Variants in GOLIM4 observed in about 807,000 individuals in gnomAD.
GOLIM4 encodes the protein golgi integral membrane protein 4, also known as 130 kDa golgi-localized phosphoprotein.
Under a neutral mutation model 107.4 loss-of-function variants are expected in GOLIM4, and 71 were observed. The ratio of observed to expected loss-of-function variants is 0.66; its 90% confidence interval spans 0.55 to 0.81. GOLIM4 has a LOEUF of 0.81. Ranked by LOEUF, GOLIM4 falls within the 30% of genes least tolerant of loss-of-function variation. The pLI, the probability that GOLIM4 is intolerant of heterozygous loss-of-function variation, is 0.00. For synonymous variants in GOLIM4, 327 were observed against 294.8 expected (o/e 1.11, Z -1.12); for missense variants, 830 against 826.1 (o/e 1.00, Z -0.06).
intron 3 of GOLIM4, 72 bp from the exon 4 acceptor site, chr3:168,044,953 T>G: frequency 1.2e-6 from 1 of 804,428 alleles, no homozygotes; most frequent in Non-Finnish European, 2.0e-6. Flanking sequence ...CTTAAAGCAC[T>G]TTAAAATATA....
chr3:168,021,653 GA>G (rs1301132976), intron 14 of GOLIM4, among the ~76,000 whole-genome samples: 1 of 151,808 alleles, frequency 6.6e-6, no homozygotes, highest in Non-Finnish European at 1.5e-5. Context: ...GTGACAGTCA[GA>G]CTCTGTCTCA....
chr3:168,058,625 T>C (rs1720103293), intron 1 of GOLIM4, among the ~76,000 whole-genome samples: 1 of 152,086 alleles, frequency 6.6e-6, no homozygotes, highest in Non-Finnish European at 1.5e-5. Flanking sequence ...AGGTAAAACA[T>C]AAGACAATTA....
chr3:168,047,788 T>C (rs1719398072), intron 2 of GOLIM4, among the ~76,000 whole-genome samples: 1 of 152,174 alleles, frequency 6.6e-6, no homozygotes, highest in East Asian at 1.9e-4. Flanking sequence ...TCAAACTGAA[T>C]CAACTGATGT....
At chr3:168,018,517 G>A (rs1466881955) in intron 14 of GOLIM4, among the ~76,000 whole-genome samples, 3 of 152,108 alleles carry the variant, frequency 2.0e-5, no homozygotes, top group Non-Finnish European at 4.4e-5. Flanking sequence ...CAAAGGCATC[G>A]AATATCTATT....
chr3:168,040,875 CA>C lies in GOLIM4; in HGVS notation c.601-7del. 2 of 1,597,540 alleles carry C rather than the reference CA, an allele frequency of 1.3e-6. No individual in the cohort carries two copies. The highest frequency in any genetic ancestry group is 1.7e-6 in the Non-Finnish European group (2 of 1,165,668). ...AGTAAATTCTTATGCTGTTGCTACA[CA>C]AAAAAGAATTTTACATGTTGAGCTT... On this transcript the variant is annotated splice_region_variant and splice_polypyrimidine_tract_variant and intron_variant, in intron 6 of 15. Transcript: ENST00000470487.
chr3:168,011,093 C>T (rs1294569060), intron 14 of GOLIM4, among the ~76,000 whole-genome samples: 13 of 152,136 alleles, frequency 8.5e-5, no homozygotes, highest in African/African-American at 2.2e-4. Context: ...GTGTGAGCGA[C>T]GCAGAAGACA....
intron 1 of GOLIM4, among the ~76,000 whole-genome samples, chr3:168,089,178 A>C (rs1560112889): frequency 6.6e-6 from 1 of 152,216 alleles, no homozygotes; most frequent in Non-Finnish European, 1.5e-5. Context: ...TACTGAACTT[A>C]AGAGTATTTT....
At chr3:168,011,669 G>A (rs937172387) in intron 14 of GOLIM4, among the ~76,000 whole-genome samples, 1 of 149,444 alleles carries the variant, frequency 6.7e-6, no homozygotes, top group Non-Finnish European at 1.5e-5. Context: ...AGAGAGCAGT[G>A]GTTCTCCCAG....
At chr3:168,031,590 A>G (rs1718342089) in intron 9 of GOLIM4, among the ~76,000 whole-genome samples, 1 of 152,226 alleles carries the variant, frequency 6.6e-6, no homozygotes, top group South Asian at 2.1e-4. Flanking sequence ...AGGGTTGGGA[A>G]GTAAAGCTGG....
chr3:168,020,009 A>G (rs746703655), intron 14 of GOLIM4, among the ~76,000 whole-genome samples: 2 of 152,160 alleles, frequency 1.3e-5, no homozygotes, highest in Non-Finnish European at 2.9e-5. Context: ...ACTAATTTCT[A>G]TAAAGAACTT....
chr3:168,077,909 T>C (rs1721150734), intron 1 of GOLIM4, among the ~76,000 whole-genome samples: 1 of 152,190 alleles, frequency 6.6e-6, no homozygotes, highest in African/African-American at 2.4e-5. Flanking sequence ...TTCTACAATT[T>C]ACAGTCTTTC....
At position 168,032,685 on chromosome 3, in the gene GOLIM4, CT is replaced by C. The variant is rs755097297; in HGVS notation, c.1010del (p.Glu337GlyfsTer64). ...RREPEEHQVEEEHRKALEEEE... is the reference protein window; with the variant it reads ...RREPEEHQVEXEHRKALEEEE... ...CCTCCTCCAGGGCCTTTCTGTGCTC[CT>C]CTTCCACCTGATGCTCCTCAGGTTC... On this transcript the variant is annotated frameshift_variant, in exon 9 of 16. Transcript: ENST00000470487. LOFTEE classifies it high-confidence loss of function. 1.9e-6 allele frequency: 3 copies of C among 1,614,074 alleles called. No individual in the cohort carries two copies. Among genetic ancestry groups the C allele is most frequent in the Non-Finnish European group, 2.5e-6 (3 of 1,180,032 alleles).
chr3:168,094,749 G>C (rs1228572735), intron 1 of GOLIM4, among the ~76,000 whole-genome samples: 1 of 152,232 alleles, frequency 6.6e-6, no homozygotes, highest in Non-Finnish European at 1.5e-5. Flanking sequence ...GAGCAGGGCT[G>C]GCAGAAGCGG....
In GOLIM4 at chr3:168,095,687, C is replaced by G. The variant is rs1722158811; in HGVS notation, c.-402G>C. 5.5e-6 allele frequency: 1 copy of G among 182,768 alleles called. No homozygotes were observed. The highest frequency in any genetic ancestry group is 6.4e-5 in the Admixed American group (1 of 15,746). 11.3% of individuals were successfully genotyped at this position (182,768 alleles called of 1,614,324 possible). ...CCGCCCTGGCCACTCCCCGCCCTAT[C>G]GCGGCGGCTCCCACTGCACGACTTT... is the stretch of plus-strand genomic sequence containing the variant. On this transcript the variant is annotated 5_prime_UTR_variant, in exon 1 of 16. Coordinates refer to ENST00000470487, the MANE Select transcript of GOLIM4 (RefSeq NM_014498.5).
intron 14 of GOLIM4, among the ~76,000 whole-genome samples, chr3:168,014,434 G>C (rs1379165352): frequency 7.6e-6 from 1 of 132,114 alleles, no homozygotes; most frequent in Non-Finnish European, 1.5e-5. Flanking sequence ...GGACCAGATG[G>C]ATTCACAGCC....
chr3:168,029,408 A>G, intron 10 of GOLIM4, 106 bp from the exon 11 acceptor site: 1 of 693,182 alleles, frequency 1.4e-6, no homozygotes, highest in Non-Finnish European at 2.3e-6. Flanking sequence ...GTTTCTCAAC[A>G]TTTTTAAGAA....
At chr3:168,087,719 C>T (rs1188812835) in intron 1 of GOLIM4, among the ~76,000 whole-genome samples, 2 of 152,094 alleles carry the variant, frequency 1.3e-5, no homozygotes, top group African/African-American at 4.8e-5. Flanking sequence ...GAAAAAGTTA[C>T]ATTAGGTTTC....
intron 4 of GOLIM4, 104 bp downstream of exon 4, chr3:168,044,724 T>C: frequency 1.5e-6 from 1 of 685,702 alleles, no homozygotes; most frequent in Non-Finnish European, 2.5e-6. Context: ...ACAATACAAA[T>C]CAACTTCTGT....
At chr3:168,059,359 G>GT (rs1720139267) in intron 1 of GOLIM4, among the ~76,000 whole-genome samples, 1 of 152,156 alleles carries the variant, frequency 6.6e-6, no homozygotes, top group African/African-American at 2.4e-5. Flanking sequence ...GTACACACAA[G>GT]TTAACTCACC....
Sources: allele counts gnomAD v4.1 joint callset (sites outside exome capture counted in the v4.1 genomes callset), GRCh38; gene constraint gnomAD v4.1.1; transcripts MANE v1.5; gene names NCBI Gene and HGNC (gene_info 2026-07-23, HGNC 2026-07-21).